SERPINA11: variants seen among roughly 807,000 people sequenced by gnomAD.
SERPINA11 encodes the protein serpin A11.
A neutral mutation model predicts 29.4 loss-of-function variants in SERPINA11; 28 were observed. The observed-to-expected ratio is 0.95, with a 90% confidence interval of 0.70 to 1.30. SERPINA11 has a LOEUF of 1.30. Among genes scored for constraint, SERPINA11 ranks in the 50% most tolerant of loss-of-function variants. The probability of loss-of-function intolerance (pLI) is 0.00; values close to 1 mark genes in which losing one functional copy is unlikely to be tolerated. For synonymous variants in SERPINA11, 253 were observed against 206.6 expected (o/e 1.22, Z -1.92); for missense variants, 530 against 507.3 (o/e 1.04, Z -0.43).
rs1443574592 is a variant in SERPINA11 at position 94,449,489 on chromosome 14, C to CT, written c.-3-713dup. The stretch of plus-strand genomic sequence containing the variant: ...TCTTTCTTTCTTTCTTTCTGTCTGT[C>CT]TGTCTTTCTTTCTCTTTCTTTTTCT... On this transcript the variant is annotated intron_variant, in intron 1 of 4. Coordinates refer to ENST00000334708, the MANE Select transcript of SERPINA11 (RefSeq NM_001080451.2). Among the ~76,000 whole-genome samples, 15 of 93,090 alleles carry CT rather than the reference C, an allele frequency of 1.6e-4. 1 individual carries two copies. Among genetic ancestry groups the CT allele is most frequent in the African/African-American group, 7.6e-4 (14 of 18,388 alleles). The allele number at this position is 93,090 out of a possible 152,430, so 61.1% of individuals were successfully genotyped here. A position where few individuals can be genotyped will look rare whatever the true frequency, so the allele number is the denominator to read the frequency against.
At chr14:94,446,299 G>A (rs1014911147) in intron 3 of SERPINA11, 32 bp downstream of exon 3, 12 of 1,594,444 alleles carry the variant, frequency 7.5e-6, no homozygotes, top group South Asian at 2.3e-5. Flanking sequence ...CTTGAGCAAG[G>A]TCAGCCAGCA....
rs755780778 is a variant in SERPINA11, at chr14:94,446,465, G to A, written c.783C>T (p.Cys261=). Residue 261 remains cysteine, a synonymous_variant, in exon 3 of 5, where the codon TGC becomes TGT. Transcript: ENST00000334708. ...CTCTGTATTCTATCTGGAGGACGGT[G>A]CAAGCCAAATCCTGGTCATAGAGGA... The part of the protein sequence containing the change: ...HRFLYDQDLA[C]TVLQIEYRGN... 42 of 1,614,192 alleles carry A rather than the reference G, an allele frequency of 2.6e-5. No individual in the cohort carries two copies. The highest frequency in any genetic ancestry group is 2.0e-5 in the Non-Finnish European group (24 of 1,180,010).
intron 3 of SERPINA11, among the ~76,000 whole-genome samples, chr14:94,444,169 G>A (rs1190779434): frequency 6.6e-6 from 1 of 152,122 alleles, no homozygotes; most frequent in Non-Finnish European, 1.5e-5. Context: ...CAGTTGGCTG[G>A]GGGGTGGAAT....
intron 1 of SERPINA11, among the ~76,000 whole-genome samples, chr14:94,449,404 CTATTCTTTCTTTCTTTCTTTCTTTCTT>C (rs1898522086): frequency 9.5e-5 from 3 of 31,530 alleles, no homozygotes; most frequent in Admixed American, 2.6e-4. Flanking sequence ...TTCTTTCTTT[CTATTCTTTCTTTCTTTCTTTCTTTCTT>C]TCTTTCTTTC....
rs538329076 is a variant in SERPINA11 at position 94,442,585 on chromosome 14, A to G, written c.*21T>C. The G allele has an allele frequency of 1.3e-6, 2 of 1,572,790 alleles. No homozygotes were observed. The highest frequency in any genetic ancestry group is 1.8e-5 in the Admixed American group (1 of 56,748). On this transcript the variant is annotated 3_prime_UTR_variant, in exon 5 of 5. Coordinates refer to ENST00000334708, the MANE Select transcript of SERPINA11 (RefSeq NM_001080451.2). ...GTTTGGTCCAGGATGAGATAAGATA[A>G]CTCCTGGCCTCCCACCATGGTTACC...
intron 3 of SERPINA11, among the ~76,000 whole-genome samples, chr14:94,443,512 C>G (rs2139773831): frequency 6.6e-6 from 1 of 152,310 alleles, no homozygotes; most frequent in South Asian, 2.1e-4. Flanking sequence ...TTCTAGGTGT[C>G]AGATATTGGC....
chr14:94,448,066 G>A (rs1289096848), intron 2 of SERPINA11, 66 bp downstream of exon 2: 14 of 1,474,596 alleles, frequency 9.5e-6, no homozygotes, highest in Non-Finnish European at 1.3e-5. Context: ...CTATTAGCTG[G>A]CTCTCTGCTG....
At chr14:94,448,943 C>T (rs190674270) in intron 1 of SERPINA11, among the ~76,000 whole-genome samples, 166 bp from the exon 2 acceptor site, 3 of 152,186 alleles carry the variant, frequency 2.0e-5, no homozygotes, top group Non-Finnish European at 4.4e-5. Flanking sequence ...CACTTTCCTC[C>T]GAGGCTTCAG....
chr14:94,444,484 C>T (rs1161314205), intron 3 of SERPINA11, among the ~76,000 whole-genome samples: 3 of 152,128 alleles, frequency 2.0e-5, no homozygotes, highest in African/African-American at 7.2e-5. Context: ...ACCAAACCCT[C>T]CCTGAGGGAA....
intron 2 of SERPINA11, 22 bp from the exon 3 acceptor site, chr14:94,446,626 G>A: frequency 6.3e-7 from 1 of 1,598,722 alleles, no homozygotes; most frequent in Non-Finnish European, 8.5e-7. Flanking sequence ...AAACCCATAA[G>A]GCCATGAGAA....
At chr14:94,447,982 C>G in intron 2 of SERPINA11, 150 bp downstream of exon 2, 1 of 762,436 alleles carries the variant, frequency 1.3e-6, no homozygotes, top group Non-Finnish European at 2.1e-6. Context: ...TTCCAACCCA[C>G]ATGGACTGTG....
At chr14:94,451,137 T>C (rs1303219750) in intron 1 of SERPINA11, among the ~76,000 whole-genome samples, 1 of 152,196 alleles carries the variant, frequency 6.6e-6, no homozygotes, top group East Asian at 1.9e-4. Flanking sequence ...ACCAATGACT[T>C]CTGGATCAAT....
intron 1 of SERPINA11, 79 bp from the exon 2 acceptor site, chr14:94,448,856 A>G: frequency 7.4e-7 from 1 of 1,347,518 alleles, no homozygotes; most frequent in Non-Finnish European, 9.9e-7. Context: ...CACAAATCCC[A>G]CCTTCACAAT....
Position 94,451,879 on chromosome 14 carries a change from T to C in SERPINA11, c.-4+850A>G, listed in dbSNP as rs1898593439. Reference sequence around the variant, plus strand: ...TAATGATGCCCAATTCATTTCTTAATTCCTCTTCCAGAAAGATCCCAGAGG... The same window carrying C: ...TAATGATGCCCAATTCATTTCTTAACTCCTCTTCCAGAAAGATCCCAGAGG... On this transcript the variant is annotated intron_variant, in intron 1 of 4. Transcript: ENST00000334708. 1.3e-5 allele frequency among the ~76,000 whole-genome samples: 2 copies of C among 152,236 alleles called. 1 individual carries two copies. Among genetic ancestry groups the C allele is most frequent in the South Asian group, 4.1e-4 (2 of 4,834 alleles).
intron 3 of SERPINA11, 75 bp from the exon 4 acceptor site, chr14:94,443,300 C>T: frequency 6.9e-7 from 1 of 1,450,480 alleles, no homozygotes; most frequent in Non-Finnish European, 9.4e-7. Context: ...TGTCGGCAGC[C>T]TGAGCCATGG....
At chr14:94,450,062 G>C (rs183398763) in intron 1 of SERPINA11, among the ~76,000 whole-genome samples, 5 of 152,260 alleles carry the variant, frequency 3.3e-5, no homozygotes, top group Admixed American at 2.6e-4. Context: ...TAGCAGGACT[G>C]ATGGAGCCTA....
At position 94,442,634 on chromosome 14, in the gene SERPINA11, C is replaced by G; in HGVS notation, c.1241G>C (p.Gly414Ala). 6.2e-7 allele frequency: 1 copy of G among 1,611,166 alleles called. No individual in the cohort carries two copies. Among genetic ancestry groups the G allele is most frequent in the Non-Finnish European group, 8.5e-7 (1 of 1,178,624 alleles). Residue 414 changes from glycine (G) to alanine (A), a missense_variant, in exon 5 of 5, where the codon GGA (glycine) becomes GCA (alanine). Gly to Ala is a moderately conservative substitution (Grantham distance 60, BLOSUM62 0). Transcript: ENST00000334708. ...CCCTGCAACTGGGTTGACAACTTTT[C>G]CCAGGAAGAGTAAGCTCTGGGTGGT... The part of the protein sequence containing the change: ...EVTTQSLLFL[G>A]KVVNPVAG
chr14:94,442,796 G>A lies in SERPINA11; in HGVS notation c.1079C>T (p.Ala360Val), dbSNP rs1195152382. The part of the protein sequence containing the change: ...NKTISKVSHK[A>V]MVDMSEKGTE... ...CCCCTTCTCACTCATGTCCACCATC[G>A]CCTTGTGTGACACCTAGAGGACAAG... The change falls in exon 5 of 5, where the codon GCG (alanine) becomes GTG (valine). Residue 360 changes from alanine (A) to valine (V), a missense_variant. Coordinates refer to ENST00000334708, the MANE Select transcript of SERPINA11 (RefSeq NM_001080451.2). 15 of 1,607,316 alleles carry A rather than the reference G, an allele frequency of 9.3e-6. 1 individual carries two copies. Among genetic ancestry groups the A allele is most frequent in the East Asian group, 4.5e-5 (2 of 44,822 alleles).
chr14:94,448,315 A>G lies in SERPINA11; in HGVS notation c.460T>C (p.Leu154=). ...DKRLKPRQHY[L]DSIKELYGAF... is the part of the protein sequence containing the mutation. ...CCATAAAGCTCCTTGATGCTGTCCA[A>G]ATAGTGCTGCCGAGGCTTTAGTCGC... The change falls in exon 2 of 5, where the codon TTG becomes CTG. Residue 154 remains leucine (L), a synonymous_variant. Transcript: ENST00000334708. 1 of 1,614,214 alleles carries G rather than the reference A, an allele frequency of 6.2e-7. No homozygotes were observed. Among genetic ancestry groups the G allele is most frequent in the Non-Finnish European group, 8.5e-7 (1 of 1,180,044 alleles).
Sources: allele counts gnomAD v4.1 joint callset (sites outside exome capture counted in the v4.1 genomes callset), GRCh38; gene constraint gnomAD v4.1.1; transcripts MANE v1.5; gene names NCBI Gene and HGNC (gene_info 2026-07-23, HGNC 2026-07-21).